FAM13C: variants seen among roughly 807,000 people sequenced by gnomAD.
FAM13C encodes protein FAM13C.
A neutral mutation model predicts 73.2 loss-of-function variants in FAM13C; 37 were observed. That is an observed-to-expected ratio of 0.51 (90% CI 0.39 to 0.67). The LOEUF is 0.67. Among genes scored for constraint, FAM13C ranks in the 30% least tolerant of loss-of-function variants. The probability of loss-of-function intolerance (pLI) is 0.00; values close to 1 mark genes in which losing one functional copy is unlikely to be tolerated. For missense variants in FAM13C, 589 were observed against 715.6 expected (o/e 0.82, Z 2.02); for synonymous variants, 246 against 260.9 (o/e 0.94, Z 0.55).
At chr10:59,294,091 A>G (rs985348897) in intron 5 of FAM13C, among the ~76,000 whole-genome samples, 2 of 152,202 alleles carry the variant, frequency 1.3e-5, no homozygotes, top group African/African-American at 4.8e-5. Flanking sequence ...TTTAAGAACA[A>G]TTTCTAAGTG....
At chr10:59,283,934 C>T (rs957054009) in intron 5 of FAM13C, among the ~76,000 whole-genome samples, 1 of 152,134 alleles carries the variant, frequency 6.6e-6, no homozygotes, top group African/African-American at 2.4e-5. Flanking sequence ...GCAAAGACTG[C>T]AGCAAACTGC....
rs1466286996 is a variant in FAM13C at position 59,352,374 on chromosome 10, C to T, written c.220G>A (p.Val74Met). 5 of 1,614,032 alleles carry T rather than the reference C, an allele frequency of 3.1e-6. No individual in the cohort carries two copies. The highest frequency in any genetic ancestry group is 2.7e-5 in the African/African-American group (2 of 74,916). The change falls in exon 3 of 14, where the codon GTG (valine) becomes ATG (methionine). Residue 74 changes from valine to methionine, a missense_variant. Coordinates refer to ENST00000618804, the MANE Select transcript of FAM13C (RefSeq NM_198215.4). ...EPQQQNVEAT[V>M]LVDSVLRPSM... Reference sequence around the variant, plus strand: ...GGTCGCAATACGCTGTCCACCAGCACGGTCGCCTCTACATTCTGCTGCTGC... The same window carrying T: ...GGTCGCAATACGCTGTCCACCAGCATGGTCGCCTCTACATTCTGCTGCTGC...
chr10:59,292,156 C>A (rs1564535412), intron 5 of FAM13C, among the ~76,000 whole-genome samples: 1 of 152,270 alleles, frequency 6.6e-6, no homozygotes, highest in Non-Finnish European at 1.5e-5. Context: ...TCTGAAAATA[C>A]AATGTGTCTC....
At position 59,352,378 on chromosome 10, in the gene FAM13C, C is replaced by G; in HGVS notation, c.216G>C (p.Ala72=). ...GCAATACGCTGTCCACCAGCACGGTCGCCTCTACATTCTGCTGCTGCGGCT... is the reference window on the plus strand; with the variant it reads ...GCAATACGCTGTCCACCAGCACGGTGGCCTCTACATTCTGCTGCTGCGGCT... ...SWEPQQQNVE[A]TVLVDSVLRP... The change falls in exon 3 of 14, where the codon GCG becomes GCC. Residue 72 remains alanine, a synonymous_variant. Transcript: ENST00000618804. The G allele has an allele frequency of 6.2e-7, 1 of 1,614,134 alleles. No individual in the cohort carries two copies. Among genetic ancestry groups the G allele is most frequent in the Middle Eastern group, 1.7e-4 (1 of 6,058 alleles).
intron 3 of FAM13C, among the ~76,000 whole-genome samples, chr10:59,343,567 G>C (rs114563947): frequency 6.6e-6 from 1 of 152,146 alleles, no homozygotes; most frequent in African/African-American, 2.4e-5. Flanking sequence ...TTATGGTTAC[G>C]GCAAAGCATT....
At chr10:59,287,815 A>C (rs528227970) in intron 5 of FAM13C, among the ~76,000 whole-genome samples, 1 of 152,206 alleles carries the variant, frequency 6.6e-6, no homozygotes, top group Admixed American at 6.5e-5. Context: ...TAGTATGACT[A>C]TCTCCAAACC....
Position 59,268,609 on chromosome 10 carries a change from G to A in FAM13C, c.886C>T (p.Leu296Phe). 6.2e-7 allele frequency: 1 copy of A among 1,613,742 alleles called. No homozygotes were observed. The highest frequency in any genetic ancestry group is 1.1e-5 in the South Asian group (1 of 91,072). The change falls in exon 8 of 14, where the codon CTC (leucine) becomes TTC (phenylalanine). Residue 296 changes from leucine to phenylalanine, a missense_variant. Coordinates refer to ENST00000618804, the MANE Select transcript of FAM13C (RefSeq NM_198215.4). ...TCAAATTTCCGAATTTTCCGCTTGAGGCTCTGGATGTGCTTGGTGAGCTGG... is the reference window on the plus strand; with the variant it reads ...TCAAATTTCCGAATTTTCCGCTTGAAGCTCTGGATGTGCTTGGTGAGCTGG... ...ITQLTKHIQS[L>F]KRKIRKFEEK...
chr10:59,335,912 C>T (rs762092151), intron 3 of FAM13C, among the ~76,000 whole-genome samples: 1 of 152,168 alleles, frequency 6.6e-6, no homozygotes, highest in Non-Finnish European at 1.5e-5. Flanking sequence ...TATCCTGGGA[C>T]ATCAAATTTA....
intron 10 of FAM13C, among the ~76,000 whole-genome samples, chr10:59,259,953 C>A (rs1016848911): frequency 1.3e-5 from 2 of 152,098 alleles, no homozygotes; most frequent in African/African-American, 2.4e-5. Context: ...TCACCCTATT[C>A]CTGAAAGATA....
intron 5 of FAM13C, among the ~76,000 whole-genome samples, chr10:59,293,876 C>T (rs1313367098): frequency 6.6e-6 from 1 of 152,154 alleles, no homozygotes; most frequent in African/African-American, 2.4e-5. Flanking sequence ...AAAGAATTAC[C>T]CTTAGAAGAA....
rs116661373 is a variant in FAM13C at position 59,336,990 on chromosome 10, C to G, written c.325-12884G>C. On this transcript the variant is annotated intron_variant, in intron 3 of 13. Transcript: ENST00000618804. ...TTCCACTATCACTCATGTCTTCACTCACAGTGTGTTCCCTCAGCTTAGAAA... is the reference window on the plus strand; with the variant it reads ...TTCCACTATCACTCATGTCTTCACTGACAGTGTGTTCCCTCAGCTTAGAAA... 2.3e-3 allele frequency among the ~76,000 whole-genome samples: 350 copies of G among 152,308 alleles called. 4 individuals carry two copies. Among genetic ancestry groups the G allele is most frequent in the African/African-American group, 7.8e-3 (326 of 41,584 alleles).
intron 5 of FAM13C, among the ~76,000 whole-genome samples, chr10:59,293,266 C>T (rs1239684656): frequency 2.0e-5 from 3 of 151,722 alleles, no homozygotes; most frequent in Middle Eastern, 3.5e-3. Context: ...TTAGTAGAGA[C>T]GGGGTTTCAC....
intron 5 of FAM13C, among the ~76,000 whole-genome samples, chr10:59,288,636 C>G (rs371295587): frequency 2.0e-5 from 3 of 151,910 alleles, no homozygotes; most frequent in Non-Finnish European, 2.9e-5. Context: ...TTAGATAGGA[C>G]TAAACTTAGA....
At chr10:59,336,239 T>C (rs1852708135) in intron 3 of FAM13C, among the ~76,000 whole-genome samples, 3 of 152,228 alleles carry the variant, frequency 2.0e-5, no homozygotes, top group Non-Finnish European at 2.9e-5. Flanking sequence ...TCAATGACAC[T>C]GACCCTAATA....
chr10:59,294,557 G>T (rs150227783), intron 5 of FAM13C, among the ~76,000 whole-genome samples: 8 of 152,306 alleles, frequency 5.3e-5, no homozygotes, highest in African/African-American at 1.7e-4. Context: ...GGATTCCCCT[G>T]AGGGTGAGGC....
At position 59,262,507 on chromosome 10, in the gene FAM13C, T is replaced by C. The variant is rs979007685; in HGVS notation, c.1163A>G (p.Glu388Gly). The change falls in exon 10 of 14, where the codon GAA becomes GGA. Residue 388 changes from glutamate (E) to glycine (G), a missense_variant. Physicochemically the swap from Glu to Gly is moderately conservative, Grantham distance 98. Transcript: ENST00000618804. ...TGTCAAGGCAGCATCTGGAGTCTCT[T>C]CTCCAGAGGAGCTTGGCTCCGGGCC... is the stretch of plus-strand genomic sequence containing the variant. ...AAGPEPSSSG[E>G]ETPDAALTCL... 13 of 1,613,614 alleles carry C rather than the reference T, an allele frequency of 8.1e-6. No homozygotes were observed. The highest frequency in any genetic ancestry group is 8.0e-5 in the African/African-American group (6 of 74,882).
intron 10 of FAM13C, among the ~76,000 whole-genome samples, chr10:59,255,257 T>G (rs1169374565): frequency 6.6e-6 from 1 of 152,096 alleles, no homozygotes; most frequent in African/African-American, 2.4e-5. Flanking sequence ...TTCCTACCTA[T>G]ACAAGAAGGA....
intron 1 of FAM13C, among the ~76,000 whole-genome samples, chr10:59,357,399 G>A (rs550463495): frequency 6.6e-6 from 1 of 152,290 alleles, no homozygotes; most frequent in African/African-American, 2.4e-5. Flanking sequence ...AGAAATAACT[G>A]TAATTTATTT....
chr10:59,248,950 A>C (rs1316819458), intron 13 of FAM13C, among the ~76,000 whole-genome samples: 1 of 152,184 alleles, frequency 6.6e-6, no homozygotes, highest in African/African-American at 2.4e-5. Context: ...CTTTGCCTCC[A>C]TTCTGTGTTA....
Sources: allele counts gnomAD v4.1 joint callset (sites outside exome capture counted in the v4.1 genomes callset), GRCh38; gene constraint gnomAD v4.1.1; transcripts MANE v1.5; gene names NCBI Gene and HGNC (gene_info 2026-07-23, HGNC 2026-07-21).